The following DYNC1I1 variants were observed in gnomAD, a reference collection of about 807,000 sequenced individuals.
The protein encoded by DYNC1I1 is dynein cytoplasmic 1 intermediate chain 1.
In DYNC1I1, 43 loss-of-function variants were observed where a neutral mutation model predicts 86.6. The ratio of observed to expected loss-of-function variants is 0.50; its 90% CI spans 0.39 to 0.64. The LOEUF (loss-of-function observed/expected upper bound fraction) is 0.64. Ranked by LOEUF, DYNC1I1 falls within the 30% of genes least tolerant of loss-of-function variation. The pLI, the probability that DYNC1I1 is intolerant of heterozygous loss-of-function variation, is 0.00. For synonymous variants in DYNC1I1, 262 were observed against 283.7 expected, an observed-to-expected ratio of 0.92 and a Z score of 0.77; for missense variants, 604 against 788.8, an observed-to-expected ratio of 0.77 and a Z score of 2.81.
chr7:96,067,590 C>T (rs1255717375), intron 14 of DYNC1I1, among the ~76,000 whole-genome samples: 2 of 152,028 alleles, frequency 1.3e-5, no homozygotes, highest in African/African-American at 4.8e-5. Flanking sequence ...CCACCTCTAC[C>T]CTACCCACCC....
At chr7:95,843,973 G>C (rs148788864) in intron 5 of DYNC1I1, among the ~76,000 whole-genome samples, 46 of 152,316 alleles carry the variant, frequency 3.0e-4, no homozygotes, top group African/African-American at 1.1e-3. Context: ...ACTGCAATGG[G>C]AAAATTTGAG....
intron 2 of DYNC1I1, among the ~76,000 whole-genome samples, chr7:95,808,609 C>G (rs1332780560): frequency 6.6e-6 from 1 of 152,116 alleles, no homozygotes; most frequent in African/African-American, 2.4e-5. Flanking sequence ...GGCTTCCTGC[C>G]GAATTGCTGC....
At chr7:96,079,208 A>T (rs984810340) in intron 15 of DYNC1I1, among the ~76,000 whole-genome samples, 5 of 152,200 alleles carry the variant, frequency 3.3e-5, no homozygotes, top group Non-Finnish European at 1.5e-5. Flanking sequence ...CAATTCCCTG[A>T]ATAACAAAAT....
intron 14 of DYNC1I1, among the ~76,000 whole-genome samples, chr7:96,062,531 A>G (rs1202831130): frequency 6.6e-6 from 1 of 152,044 alleles, no homozygotes; most frequent in Non-Finnish European, 1.5e-5. Context: ...CTGTGTAAAT[A>G]TAAGTTAGTC....
intron 6 of DYNC1I1, among the ~76,000 whole-genome samples, chr7:95,882,006 C>T (rs952880170): frequency 7.9e-5 from 12 of 152,180 alleles, no homozygotes; most frequent in Non-Finnish European, 1.8e-4. Flanking sequence ...GCTGAGGACA[C>T]CATATTCATA....
intron 6 of DYNC1I1, among the ~76,000 whole-genome samples, chr7:95,959,445 T>C (rs1241607946): frequency 1.3e-5 from 2 of 152,160 alleles, no homozygotes; most frequent in Non-Finnish European, 2.9e-5. Context: ...AGGAAATCTT[T>C]CAGAGATTAA....
At chr7:95,829,396 A>G (rs1263656515) in intron 5 of DYNC1I1, among the ~76,000 whole-genome samples, 2 of 152,182 alleles carry the variant, frequency 1.3e-5, no homozygotes, top group African/African-American at 4.8e-5. Context: ...ATTTAGTTAT[A>G]TAGTTCATTT....
chr7:96,051,731 C>A (rs1789409302), intron 14 of DYNC1I1, among the ~76,000 whole-genome samples: 1 of 152,160 alleles, frequency 6.6e-6, no homozygotes, highest in Admixed American at 6.5e-5. Context: ...TTACCTATTT[C>A]ACTTTTACAT....
chr7:95,889,475 A>T (rs1002595723), intron 6 of DYNC1I1, among the ~76,000 whole-genome samples: 1 of 152,212 alleles, frequency 6.6e-6, no homozygotes, highest in African/African-American at 2.4e-5. Context: ...CTTAAATGTA[A>T]ATTACAAAAC....
intron 6 of DYNC1I1, among the ~76,000 whole-genome samples, chr7:95,925,262 A>C (rs531253619): frequency 6.6e-6 from 1 of 152,248 alleles, no homozygotes; most frequent in Non-Finnish European, 1.5e-5. Flanking sequence ...CAGAGTGAAA[A>C]TTTGTGTCTA....
chr7:96,061,805 A>G (rs1156883802), intron 14 of DYNC1I1, among the ~76,000 whole-genome samples: 1 of 151,842 alleles, frequency 6.6e-6, no homozygotes. Flanking sequence ...ATCTCAGCTA[A>G]TGACCTTTCT....
At chr7:95,948,937 G>T (rs1792477513) in intron 6 of DYNC1I1, among the ~76,000 whole-genome samples, 2 of 152,164 alleles carry the variant, frequency 1.3e-5, no homozygotes, top group African/African-American at 4.8e-5. Flanking sequence ...CAGGTTTATA[G>T]GATGATGTTG....
intron 10 of DYNC1I1, among the ~76,000 whole-genome samples, chr7:96,001,715 GA>G (rs747259548): frequency 4.6e-5 from 7 of 152,116 alleles, no homozygotes; most frequent in Non-Finnish European, 1.0e-4. Flanking sequence ...TGAGCTCTCT[GA>G]TGTCTCTTAT....
intron 14 of DYNC1I1, 134 bp downstream of exon 14, chr7:96,039,555 C>A: frequency 2.1e-6 from 2 of 972,646 alleles, no homozygotes; most frequent in Non-Finnish European, 1.5e-6. Context: ...TTCTGGTGAG[C>A]TCAGTCTACC....
intron 6 of DYNC1I1, among the ~76,000 whole-genome samples, chr7:95,974,214 GT>G (rs1370599281): frequency 6.6e-6 from 1 of 151,874 alleles, no homozygotes; most frequent in African/African-American, 2.4e-5. Flanking sequence ...TATATATTTT[GT>G]TTTTTTATTT....
chr7:95,914,456 T>C (rs1434969393), intron 6 of DYNC1I1, among the ~76,000 whole-genome samples: 1 of 152,242 alleles, frequency 6.6e-6, no homozygotes, highest in Non-Finnish European at 1.5e-5. Flanking sequence ...ATGTCTTTTT[T>C]TGATGCAGAC....
chr7:95,884,836 C>T (rs1338281705), intron 6 of DYNC1I1, among the ~76,000 whole-genome samples: 2 of 151,784 alleles, frequency 1.3e-5, no homozygotes, highest in African/African-American at 4.8e-5. Context: ...AGCTTATAGG[C>T]TACATACACA....
intron 5 of DYNC1I1, among the ~76,000 whole-genome samples, chr7:95,843,476 T>C (rs1204520739): frequency 1.3e-5 from 2 of 152,184 alleles, no homozygotes; most frequent in East Asian, 3.8e-4. Context: ...CTTGTGTCCC[T>C]CCCTCATGTA....
chr7:95,956,183 T>TC (rs1173321369), intron 6 of DYNC1I1, among the ~76,000 whole-genome samples: 2 of 152,082 alleles, frequency 1.3e-5, no homozygotes, highest in African/African-American at 4.8e-5. Context: ...TTCAATGCAC[T>TC]CAGCCCACAG....
Sources: gnomAD v4.1 joint callset for allele counts (sites outside exome capture counted in the v4.1 genomes callset) on GRCh38, gnomAD v4.1.1 for gene constraint, MANE v1.5 for transcripts, NCBI Gene and HGNC (gene_info 2026-07-23, HGNC 2026-07-21) for gene names.